The following CDC42BPB variants were observed in gnomAD, a reference collection of about 807,000 sequenced individuals.
CDC42BPB encodes serine/threonine-protein kinase MRCK beta.
In CDC42BPB, 37 loss-of-function variants were observed where a neutral mutation model predicts 214.9. The observed-to-expected ratio is 0.17, with a 90% confidence interval of 0.13 to 0.23. CDC42BPB has a LOEUF of 0.23. Among genes scored for constraint, CDC42BPB ranks in the 10% least tolerant of loss-of-function variants. The pLI, the probability that CDC42BPB is intolerant of heterozygous loss-of-function variation, is 1.00. For synonymous variants in CDC42BPB, 931 were observed against 884.0 expected, an observed-to-expected ratio of 1.05 and a Z score of -0.94; for missense variants, 1,694 against 2,227.0, an observed-to-expected ratio of 0.76 and a Z score of 4.82.
At chr14:102,937,301 C>A (rs1044502947) in intron 36 of CDC42BPB, 1 of 152,422 alleles carries the variant, frequency 6.6e-6, no homozygotes, top group African/African-American at 2.4e-5. Flanking sequence ...TGGGGGCCTG[C>A]TGCAGAATAA....
At chr14:103,053,570 G>A (rs565806054) in intron 1 of CDC42BPB, among the ~76,000 whole-genome samples, 87 of 151,516 alleles carry the variant, frequency 5.7e-4, no homozygotes, top group African/African-American at 2.1e-3. Flanking sequence ...GACCATCCTG[G>A]CTAACACGGT....
At chr14:102,978,810 A>G (rs1893871949) in intron 8 of CDC42BPB, among the ~76,000 whole-genome samples, 1 of 152,184 alleles carries the variant, frequency 6.6e-6, no homozygotes, top group Admixed American at 6.5e-5. Context: ...GTTCAAGATC[A>G]GCCTAGGCCA....
intron 5 of CDC42BPB, among the ~76,000 whole-genome samples, chr14:102,990,389 T>G (rs1435434023): frequency 6.6e-6 from 1 of 152,194 alleles, no homozygotes; most frequent in African/African-American, 2.4e-5. Context: ...GCTTCTGTGG[T>G]GTCCTGGGCA....
At chr14:103,045,454 C>T (rs1888236820) in intron 1 of CDC42BPB, among the ~76,000 whole-genome samples, 1 of 152,174 alleles carries the variant, frequency 6.6e-6, no homozygotes, top group African/African-American at 2.4e-5. Context: ...GGGACCCCTG[C>T]ACCCTCCCAG....
At chr14:102,947,459 G>A (rs1280831446) in intron 27 of CDC42BPB, among the ~76,000 whole-genome samples, 2 of 152,204 alleles carry the variant, frequency 1.3e-5, no homozygotes, top group South Asian at 2.1e-4. Context: ...TGGACTGAGT[G>A]GAAGAGGAGT....
intron 1 of CDC42BPB, among the ~76,000 whole-genome samples, chr14:103,046,842 C>T (rs760246059): frequency 6.6e-6 from 1 of 151,698 alleles, no homozygotes; most frequent in South Asian, 2.1e-4. Flanking sequence ...TTAGTACAGA[C>T]GGGGTTTTGC....
At chr14:103,024,370 A>G (rs533110902) in intron 1 of CDC42BPB, among the ~76,000 whole-genome samples, 58 of 152,298 alleles carry the variant, frequency 3.8e-4, no homozygotes, top group African/African-American at 1.3e-3. Flanking sequence ...TGGGCACAGC[A>G]CTCATAACAA....
Position 103,039,777 on chromosome 14 carries a change from C to T in CDC42BPB, c.175+17222G>A, listed in dbSNP as rs541312823. ...GAAGGTTCTAGGCAGGGCAAGTAGA[C>T]AACAAAAAGAAATTAAAGGTATCCA... is the stretch of plus-strand genomic sequence containing the variant. On this transcript the variant is annotated intron_variant, in intron 1 of 36. Coordinates refer to ENST00000361246, the MANE Select transcript of CDC42BPB (RefSeq NM_006035.4). Among the ~76,000 whole-genome samples, 7 of 151,850 alleles carry T rather than the reference C, an allele frequency of 4.6e-5. 1 individual carries two copies. The highest frequency in any genetic ancestry group is 3.4e-3 in the Middle Eastern group (1 of 294).
At chr14:102,982,206 A>G (rs1894035098) in intron 7 of CDC42BPB, among the ~76,000 whole-genome samples, 2 of 152,262 alleles carry the variant, frequency 1.3e-5, no homozygotes, top group African/African-American at 4.8e-5. Flanking sequence ...TAGGGGGTAT[A>G]TATTAATTTA....
intron 1 of CDC42BPB, among the ~76,000 whole-genome samples, chr14:103,048,802 A>G (rs1218724403): frequency 6.6e-6 from 1 of 151,650 alleles, no homozygotes; most frequent in East Asian, 1.9e-4. Context: ...TGAACCCGGG[A>G]GGCGGAGGCT....
At chr14:102,965,681 G>A (rs1893169481) in intron 18 of CDC42BPB, among the ~76,000 whole-genome samples, 1 of 152,246 alleles carries the variant, frequency 6.6e-6, no homozygotes, top group East Asian at 1.9e-4. Context: ...GGAAGGCCAG[G>A]TGTGGGGGCT....
chr14:102,950,443 A>G, intron 25 of CDC42BPB, 23 bp downstream of exon 25: 14 of 1,611,804 alleles, frequency 8.7e-6, no homozygotes, highest in Non-Finnish European at 1.1e-5. Flanking sequence ...CCGAGGGCTG[A>G]GGGCGGAGAT....
chr14:102,937,106 CTGGCTGCCTCAGGACACAGTACCCTAAG>C (rs1279413788), intron 36 of CDC42BPB: 1 of 152,218 alleles, frequency 6.6e-6, no homozygotes, highest in Non-Finnish European at 1.5e-5. Flanking sequence ...GAGACAGGCA[CTGGCTGCCTCAGGACACAGTACCCTAAG>C]AGGGACACCA....
intron 1 of CDC42BPB, among the ~76,000 whole-genome samples, chr14:103,035,756 C>T (rs566857048): frequency 1.3e-5 from 2 of 152,178 alleles, no homozygotes; most frequent in African/African-American, 2.4e-5. Flanking sequence ...AGGAGAATGG[C>T]ATGAACCCGG....
At chr14:102,947,280 A>G (rs1257158120) in intron 27 of CDC42BPB, among the ~76,000 whole-genome samples, 5 of 152,154 alleles carry the variant, frequency 3.3e-5, no homozygotes, top group Admixed American at 1.3e-4. Flanking sequence ...TCTTCTAGGA[A>G]CGTCCTAATG....
chr14:102,974,220 C>CT, intron 11 of CDC42BPB, 71 bp from the exon 12 acceptor site: 1 of 1,568,178 alleles, frequency 6.4e-7, no homozygotes, highest in Non-Finnish European at 8.6e-7. Flanking sequence ...TGTTAGCTGA[C>CT]TTACTGACAG....
chr14:103,013,196 TG>T (rs1394772439), intron 1 of CDC42BPB, among the ~76,000 whole-genome samples: 1 of 152,188 alleles, frequency 6.6e-6, no homozygotes, highest in East Asian at 1.9e-4. Context: ...GAGTGAGAGC[TG>T]AGCTCCACCT....
At chr14:103,037,420 A>T (rs898645473) in intron 1 of CDC42BPB, among the ~76,000 whole-genome samples, 1 of 152,122 alleles carries the variant, frequency 6.6e-6, no homozygotes, top group South Asian at 2.1e-4. Flanking sequence ...CAGCCTCCCG[A>T]GCAGCCGGGA....
chr14:102,967,862 G>T (rs1192223112), intron 16 of CDC42BPB, among the ~76,000 whole-genome samples: 1 of 152,196 alleles, frequency 6.6e-6, no homozygotes, highest in Non-Finnish European at 1.5e-5. Context: ...TTGGGAGGCT[G>T]AGGTGGGTGG....
Sources: gnomAD v4.1 joint callset for allele counts (sites outside exome capture counted in the v4.1 genomes callset) on GRCh38, gnomAD v4.1.1 for gene constraint, MANE v1.5 for transcripts, NCBI Gene and HGNC (gene_info 2026-07-23, HGNC 2026-07-21) for gene names.